Variants in LIMS4 observed in about 807,000 individuals in gnomAD.
The protein encoded by LIMS4 is LIM and senescent cell antigen-like-containing domain protein 4.
At chr2:110,382,701 T>C in the LIMS4 span, 1 of 69,698 alleles carries the variant, frequency 1.4e-5, no homozygotes, top group African/African-American at 8.3e-5. Context: ...TACTGATACA[T>C]ACCATGAACA....
chr2:110,368,892 G>GTTTTT, the LIMS4 span, among the ~76,000 whole-genome samples: 36 of 135,128 alleles, frequency 2.7e-4, 2 homozygotes, highest in African/African-American at 1.0e-3. Flanking sequence ...GTATGTAAAG[G>GTTTTT]TTTTTTTTTT....
At chr2:110,395,615 G>T in the LIMS4 span, among the ~76,000 whole-genome samples, 3 of 13,844 alleles carry the variant, frequency 2.2e-4, no homozygotes, top group Non-Finnish European at 4.3e-4. Context: ...CCAGCGCCCT[G>T]TCCCCATGAC....
chr2:110,424,543 C>A, the LIMS4 span, among the ~76,000 whole-genome samples: 1 of 144,492 alleles, frequency 6.9e-6, no homozygotes. Flanking sequence ...TACCAACCAA[C>A]TTCACTGACT....
chr2:110,442,811 G>T (rs1249388739), downstream of LIMS4, among the ~76,000 whole-genome samples: 4 of 150,280 alleles, frequency 2.7e-5, no homozygotes, highest in Non-Finnish European at 5.9e-5. Flanking sequence ...CAATTCTCCT[G>T]CCTCAGCCTC....
At chr2:110,360,654 A>G in the LIMS4 span, 2 of 1,524,676 alleles carry the variant, frequency 1.3e-6, no homozygotes, top group African/African-American at 1.6e-5. Context: ...AGGCCATACC[A>G]TGTGTCTGCA....
chr2:110,391,820 CAA>C, the LIMS4 span, among the ~76,000 whole-genome samples: 5 of 145,794 alleles, frequency 3.4e-5, no homozygotes, highest in African/African-American at 1.4e-4. Context: ...CGGAGGAAGA[CAA>C]TATATGAAAT....
chr2:110,448,669 C>T (rs1360760732), intron 8 of LIMS4, among the ~76,000 whole-genome samples: 1 of 152,420 alleles, frequency 6.6e-6, no homozygotes, highest in Non-Finnish European at 1.5e-5. Context: ...TACTTTAGAT[C>T]ATCTCTAGGT....
the LIMS4 span, among the ~76,000 whole-genome samples, chr2:110,419,673 A>AAAG: frequency 4.5e-5 from 2 of 44,264 alleles, no homozygotes; most frequent in East Asian, 1.3e-3. Context: ...AAAAAAAAAA[A>AAAG]AAAAGAAAAA....
the LIMS4 span, among the ~76,000 whole-genome samples, chr2:110,382,004 T>C: frequency 1.2e-3 from 86 of 70,756 alleles, no homozygotes; most frequent in Non-Finnish European, 1.6e-3. Flanking sequence ...GACGCAGAGA[T>C]TGCAGTGAGC....
chr2:110,426,918 GT>G, the LIMS4 span, among the ~76,000 whole-genome samples: 1 of 127,532 alleles, frequency 7.8e-6, no homozygotes, highest in Non-Finnish European at 1.5e-5. Flanking sequence ...TCTCCACAGT[GT>G]TTTCTATAGT....
the LIMS4 span, chr2:110,360,735 G>A: frequency 5.9e-5 from 94 of 1,604,146 alleles, no homozygotes; most frequent in African/African-American, 8.3e-4. Context: ...CTGACATGGC[G>A]CCATTGGGAG....
the LIMS4 span, among the ~76,000 whole-genome samples, chr2:110,368,057 A>G: frequency 6.9e-6 from 1 of 145,626 alleles, no homozygotes; most frequent in Non-Finnish European, 1.5e-5. Flanking sequence ...AACATAATAT[A>G]TATAGTATAA....
chr2:110,395,931 C>A, the LIMS4 span, among the ~76,000 whole-genome samples: 1 of 141,126 alleles, frequency 7.1e-6, no homozygotes, highest in Non-Finnish European at 1.5e-5. Flanking sequence ...GAGGCACATA[C>A]CAGCGTCCTA....
At chr2:110,392,388 A>G in the LIMS4 span, among the ~76,000 whole-genome samples, 1 of 150,968 alleles carries the variant, frequency 6.6e-6, no homozygotes, top group East Asian at 1.9e-4. Flanking sequence ...GCAGTGAGCC[A>G]AGATCACGCC....
At chr2:110,386,780 A>G in the LIMS4 span, 52 of 710,528 alleles carry the variant, frequency 7.3e-5, no homozygotes, top group Non-Finnish European at 1.2e-4. Flanking sequence ...CGGCGAGCAC[A>G]GCGGCAGCAC....
the LIMS4 span, among the ~76,000 whole-genome samples, chr2:110,366,435 A>G: frequency 6.6e-6 from 1 of 152,064 alleles, no homozygotes; most frequent in African/African-American, 2.4e-5. Context: ...AACTGAAAAC[A>G]AAAACCACAT....
At chr2:110,376,202 C>G in the LIMS4 span, 1 of 137,842 alleles carries the variant, frequency 7.3e-6, no homozygotes, top group Non-Finnish European at 1.5e-5. Context: ...TTAGGGGGAA[C>G]GAGTACAGGA....
the LIMS4 span, among the ~76,000 whole-genome samples, chr2:110,427,179 ATTAT>A: frequency 2.3e-5 from 3 of 130,762 alleles, no homozygotes; most frequent in South Asian, 7.2e-4. Flanking sequence ...TTTTGATGGG[ATTAT>A]TTGTTTTTTT....
chr2:110,366,943 AGACACACACAC>A, the LIMS4 span, among the ~76,000 whole-genome samples: 1 of 139,424 alleles, frequency 7.2e-6, no homozygotes, highest in Non-Finnish European at 1.5e-5. Flanking sequence ...AATTCACAAT[AGACACACACAC>A]ACACACACAC....
Sources: allele counts gnomAD v4.1 joint callset (sites outside exome capture counted in the v4.1 genomes callset), GRCh38; gene constraint gnomAD v4.1.1; transcripts MANE v1.5; gene names NCBI Gene and HGNC (gene_info 2026-07-23, HGNC 2026-07-21).